LYSMD2: variants seen among roughly 807,000 people sequenced by gnomAD.
The protein encoded by LYSMD2 is lysM and putative peptidoglycan-binding domain-containing protein 2.
LYSMD2 carries 6 observed loss-of-function variants against 17.7 expected under a neutral mutation model. The observed-to-expected ratio is 0.34, with a 90% CI of 0.19 to 0.67. The LOEUF is 0.67. Among genes scored for constraint, LYSMD2 ranks in the 30% least tolerant of loss-of-function variants. LYSMD2 has a pLI of 0.69. For synonymous variants in LYSMD2, 102 were observed against 129.8 expected (o/e 0.79, Z 1.45); for missense variants, 237 against 286.7 (o/e 0.83, Z 1.25).
In LYSMD2 at chr15:51,749,519, T is replaced by C. The variant is rs2055685875; in HGVS notation, c.-1+1752A>G. On this transcript the variant is annotated intron_variant, in intron 1 of 2. Transcript: ENST00000454181. ...CCTGTCTGCTTCCTTTCATGGCTAG[T>C]TTCTGAAGGAATACTCTATTCGTTT... Among the ~76,000 whole-genome samples the C allele has an allele frequency of 2.0e-5, 3 of 152,242 alleles. No homozygotes were observed. The South Asian group carries it at 6.2e-4, about 32-fold the overall frequency.
intron 1 of LYSMD2, among the ~76,000 whole-genome samples, chr15:51,728,354 G>T (rs1033088218): frequency 2.0e-5 from 3 of 151,472 alleles, no homozygotes; most frequent in Admixed American, 6.6e-5. Flanking sequence ...GGGAGGCAGA[G>T]GTTGCACTGA....
upstream of LYSMD2, among the ~76,000 whole-genome samples, chr15:51,739,137 C>T (rs1182702040): frequency 6.6e-6 from 1 of 152,108 alleles, no homozygotes; most frequent in Non-Finnish European, 1.5e-5. Context: ...CCCACCTGCC[C>T]AACTGTTACT....
At position 51,724,953 on chromosome 15, in the gene LYSMD2, C is replaced by T. The variant is rs753307269; in HGVS notation, c.442G>A (p.Glu148Lys). 1.8e-5 allele frequency: 29 copies of T among 1,614,026 alleles called. 1 individual carries two copies. The Admixed American group carries it at 4.7e-4, about 26-fold the overall frequency. Reference protein sequence around the residue: ...TADNSFSQEEEPVVAGEDLPP... With the variant: ...TADNSFSQEEKPVVAGEDLPP... ...AGGTCTTCCCCGGCCACCACTGGCT[C>T]CTCTTCCTGAGAAAAACTGTTATCA... The change falls in exon 2 of 3, where the codon GAG becomes AAG. Residue 148 changes from glutamate to lysine, a missense_variant. Coordinates refer to ENST00000267838, the MANE Select transcript of LYSMD2 (RefSeq NM_153374.3).
At chr15:51,724,678 GAAAGAAAAGA>G (rs575448585) in intron 2 of LYSMD2, 102 bp downstream of exon 2, 32 of 592,978 alleles carry the variant, frequency 5.4e-5, no homozygotes, top group Middle Eastern at 9.2e-4. Flanking sequence ...AAATCAGAAA[GAAAGAAAAGA>G]AAAGAAAAGG....
chr15:51,736,717 A>G (rs7165585), intron 1 of LYSMD2, among the ~76,000 whole-genome samples: 73,193 of 152,004 alleles, frequency 0.48, 17,905 homozygotes, highest in Admixed American at 0.55. Context: ...CCCAAGACAC[A>G]CACACTTATA....
At chr15:51,725,169 G>A (rs755946435) in intron 1 of LYSMD2, 48 bp from the exon 2 acceptor site, 2 of 1,192,120 alleles carry the variant, frequency 1.7e-6, no homozygotes, top group Non-Finnish European at 2.4e-6. Context: ...CCAAGTCAAG[G>A]AGTAAGATTT....
chr15:51,733,645 T>TA (rs1242422836), intron 1 of LYSMD2, among the ~76,000 whole-genome samples: 4 of 151,974 alleles, frequency 2.6e-5, no homozygotes, highest in Non-Finnish European at 5.9e-5. Context: ...CCAGGGCCAG[T>TA]AAAAAAATAT....
chr15:51,732,724 A>C (rs1422052229), intron 1 of LYSMD2, among the ~76,000 whole-genome samples: 5 of 152,156 alleles, frequency 3.3e-5, no homozygotes, highest in Non-Finnish European at 7.4e-5. Context: ...GAGATATTCA[A>C]ACTAAACAGT....
chr15:51,745,555 G>T (rs1418830041), intron 1 of LYSMD2, among the ~76,000 whole-genome samples: 1 of 152,062 alleles, frequency 6.6e-6, no homozygotes, highest in Non-Finnish European at 1.5e-5. Context: ...GCACCCTTTT[G>T]TTATAAGAAC....
upstream of LYSMD2, chr15:51,737,931 C>T (rs781483785): frequency 6.2e-5 from 13 of 209,802 alleles, no homozygotes; most frequent in East Asian, 1.1e-4. This position sits in a 1 kb window ranked among gnomAD's most constrained non-coding sequence, Gnocchi z 4.2. Context: ...CGCTGAAGCC[C>T]GCGGCCGTTG....
At chr15:51,728,570 C>T (rs1398384269) in intron 1 of LYSMD2, among the ~76,000 whole-genome samples, 1 of 151,878 alleles carries the variant, frequency 6.6e-6, no homozygotes, top group Non-Finnish European at 1.5e-5. Context: ...AATTTTCTCC[C>T]ATAAAATATT....
At chr15:51,748,592 T>C (rs2055680863) in intron 1 of LYSMD2, among the ~76,000 whole-genome samples, 3 of 152,218 alleles carry the variant, frequency 2.0e-5, no homozygotes, top group Non-Finnish European at 2.9e-5. Flanking sequence ...TATTATCTCA[T>C]ATAACAAGAA....
At chr15:51,724,764 T>A (rs777468161) in intron 2 of LYSMD2, 26 bp downstream of exon 2, 1 of 1,543,888 alleles carries the variant, frequency 6.5e-7, no homozygotes, top group South Asian at 1.2e-5. Context: ...ATTTAGACTT[T>A]GACATTTGTA....
intron 1 of LYSMD2, among the ~76,000 whole-genome samples, chr15:51,747,359 C>T (rs918725043): frequency 1.3e-5 from 2 of 151,976 alleles, no homozygotes; most frequent in East Asian, 3.9e-4. Context: ...GGCGTGGTGG[C>T]GCATGCCTGT....
At chr15:51,728,268 A>G (rs1345638647) in intron 1 of LYSMD2, among the ~76,000 whole-genome samples, 1 of 151,966 alleles carries the variant, frequency 6.6e-6, no homozygotes, top group African/African-American at 2.4e-5. Context: ...GAAATACAAA[A>G]ATTAGCCAGG....
intron 1 of LYSMD2, chr15:51,751,156 C>A (rs2055698513): frequency 1.4e-5 from 9 of 661,274 alleles, no homozygotes; most frequent in Non-Finnish European, 2.8e-6. Flanking sequence ...CACCCTAGAG[C>A]CTTGCTAACT....
At chr15:51,729,665 A>G (rs1407276471) in intron 1 of LYSMD2, among the ~76,000 whole-genome samples, 1 of 152,138 alleles carries the variant, frequency 6.6e-6, no homozygotes, top group Non-Finnish European at 1.5e-5. Flanking sequence ...TCGCCGTGTT[A>G]GCCAGGATGG....
chr15:51,736,064 T>G (rs1321076274), intron 1 of LYSMD2, among the ~76,000 whole-genome samples: 1 of 152,250 alleles, frequency 6.6e-6, no homozygotes, highest in East Asian at 1.9e-4. Flanking sequence ...ATGATCATAC[T>G]TGGAAAATAT....
intron 1 of LYSMD2, among the ~76,000 whole-genome samples, chr15:51,748,556 C>G (rs556345873): frequency 1.1e-4 from 16 of 152,316 alleles, no homozygotes; most frequent in African/African-American, 3.6e-4. Context: ...AACTCCATCT[C>G]AAATTGACTC....
Sources: gnomAD v4.1 joint callset for allele counts (sites outside exome capture counted in the v4.1 genomes callset) on GRCh38, gnomAD v4.1.1 for gene constraint, Gnocchi (gnomAD v3.1) non-coding constraint, MANE v1.5 for transcripts, NCBI Gene and HGNC (gene_info 2026-07-23, HGNC 2026-07-21) for gene names.